The following CLASP1 variants were observed in gnomAD, a reference collection of about 807,000 sequenced individuals.
The protein encoded by CLASP1 is cytoplasmic linker associated protein 1.
CLASP1 carries 38 observed loss-of-function variants against 192.3 expected under a neutral mutation model. That is an observed-to-expected ratio of 0.20 (90% CI 0.15 to 0.26). The LOEUF (loss-of-function observed/expected upper bound fraction) is 0.26. Among genes scored for constraint, CLASP1 ranks in the 10% least tolerant of loss-of-function variants. CLASP1 has a pLI of 1.00. For synonymous variants in CLASP1, 691 were observed against 712.8 expected, an observed-to-expected ratio of 0.97 and a Z score of 0.49; for missense variants, 1,433 against 1,932.5, an observed-to-expected ratio of 0.74 and a Z score of 4.85.
rs764411908 is a variant in CLASP1, at chr2:121,367,690, G to C, written c.3784C>G (p.Arg1262Gly). The C allele has an allele frequency of 4.3e-6, 7 of 1,614,008 alleles. No homozygotes were observed. In the South Asian group the frequency reaches 7.7e-5, roughly 18 times the overall value. ...GAGTAGGGGTACGGGTTGTAGTCTC[G>C]CGCCCGCGGCCCCGGGAAGGCGCGC... Residue 1262 changes from arginine to glycine, a missense_variant, in exon 35 of 40, where the codon CGA becomes GGA. Physicochemically the swap from Arg to Gly is moderately radical, Grantham distance 125. Around this residue, in one of 8 missense-constraint regions of CLASP1, gnomAD observed 336 missense variants for 358.0 expected, o/e 0.94. Transcript: ENST00000263710.
rs1214532897 is a variant in CLASP1, at chr2:121,427,442, G to A, written c.2018-12C>T. 1 of 1,612,610 alleles carries A rather than the reference G, an allele frequency of 6.2e-7. No homozygotes were observed. The highest frequency in any genetic ancestry group is 8.5e-7 in the Non-Finnish European group (1 of 1,179,484). On this transcript the variant is annotated splice_polypyrimidine_tract_variant and intron_variant, in intron 20 of 39. Coordinates refer to ENST00000263710, the Ensembl canonical transcript of CLASP1. ...AGCAGATCTGGATCCTTGATTATGA[G>A]AGCAGACCAAAGGACAGGCAAAAAG...
chr2:121,627,781 A>G (rs1449078583), intron 1 of CLASP1, among the ~76,000 whole-genome samples: 1 of 152,226 alleles, frequency 6.6e-6, no homozygotes, highest in Non-Finnish European at 1.5e-5. Context: ...AGGGCTTTAG[A>G]GATTCATTTA....
Position 121,643,217 on chromosome 2 carries a change from T to A in CLASP1, c.-286+6155A>T, listed in dbSNP as rs184882443. Among the ~76,000 whole-genome samples, 3 of 152,362 alleles carry A rather than the reference T, an allele frequency of 2.0e-5. No homozygotes were observed. The East Asian group carries it at 5.8e-4, about 29-fold the overall frequency. On this transcript the variant is annotated intron_variant, in intron 1 of 39. Transcript: ENST00000263710. ...AAACCTTGAATTTACTTTTTTTCTA[T>A]TCTTTTCTTTAAATACTCTAAAAGT...
intron 8 of CLASP1, among the ~76,000 whole-genome samples, chr2:121,480,540 G>A (rs973946872): frequency 1.3e-5 from 2 of 152,156 alleles, no homozygotes; most frequent in African/African-American, 4.8e-5. Context: ...CCTGTCCTGG[G>A]GCAGAGCTGT....
At chr2:121,386,591 G>A (rs758347679) in intron 32 of CLASP1, among the ~76,000 whole-genome samples, 1 of 152,146 alleles carries the variant, frequency 6.6e-6, no homozygotes, top group Non-Finnish European at 1.5e-5. Flanking sequence ...ATATTTGCAC[G>A]GTCCCAACAA....
intron 8 of CLASP1, among the ~76,000 whole-genome samples, chr2:121,491,569 A>T (rs2150151387): frequency 6.6e-6 from 1 of 152,376 alleles, no homozygotes. Context: ...AAAACTTACA[A>T]ATAATTTGCT....
At chr2:121,470,059 G>A (rs897028943) in intron 8 of CLASP1, 99 bp from the exon 9 acceptor site, 6 of 978,654 alleles carry the variant, frequency 6.1e-6, no homozygotes, top group Non-Finnish European at 9.0e-6. Flanking sequence ...ATTAGTCTTC[G>A]AGACTGATTC....
chr2:121,626,605 TAG>T (rs1221754071), intron 1 of CLASP1, among the ~76,000 whole-genome samples: 5 of 152,126 alleles, frequency 3.3e-5, no homozygotes, highest in Admixed American at 1.3e-4. Context: ...TGTTTTGTTT[TAG>T]AGAGATGGGG....
Position 121,517,797 on chromosome 2 carries a change from G to A in CLASP1, c.547-2035C>T, listed in dbSNP as rs2094343402. On this transcript the variant is annotated intron_variant, in intron 6 of 39. Transcript: ENST00000263710. ...GATTACTCAAGCTCAGGAGTTGGAG[G>A]CTGCAGTGAGCTATAATCCTACCAC... Among the ~76,000 whole-genome samples the A allele has an allele frequency of 2.0e-5, 3 of 148,714 alleles. No homozygotes were observed. In the South Asian group the frequency reaches 6.4e-4, roughly 32 times the overall value.
intron 38 of CLASP1, among the ~76,000 whole-genome samples, chr2:121,347,652 G>A (rs543563466): frequency 2.6e-4 from 39 of 152,268 alleles, no homozygotes; most frequent in Non-Finnish European, 3.2e-4. Context: ...CCTGATGTCC[G>A]TGTCCCTTTG....
chr2:121,439,219 TTTTC>T (rs1417738031), intron 19 of CLASP1, among the ~76,000 whole-genome samples: 13 of 152,030 alleles, frequency 8.6e-5, no homozygotes, highest in Non-Finnish European at 1.2e-4. Context: ...ATTCTTCTTT[TTTTC>T]TTTATTAGTC....
intron 3 of CLASP1, among the ~76,000 whole-genome samples, chr2:121,529,870 A>G (rs971200013): frequency 1.3e-5 from 2 of 152,244 alleles, no homozygotes; most frequent in African/African-American, 2.4e-5. Flanking sequence ...GGTTGGCACT[A>G]AAGAGTGACA....
chr2:121,572,931 C>A (rs1448874169), intron 2 of CLASP1, among the ~76,000 whole-genome samples: 1 of 152,128 alleles, frequency 6.6e-6, no homozygotes, highest in Non-Finnish European at 1.5e-5. Context: ...CAGAGCTGAA[C>A]TAAAATTACT....
chr2:121,466,122 G>T (rs992174759), intron 9 of CLASP1, among the ~76,000 whole-genome samples: 4 of 152,140 alleles, frequency 2.6e-5, no homozygotes, highest in South Asian at 4.1e-4. Flanking sequence ...CAAGAAAAAA[G>T]ATTAGAAAGA....
At chr2:121,595,308 G>A (rs929972951) in intron 2 of CLASP1, among the ~76,000 whole-genome samples, 3 of 152,178 alleles carry the variant, frequency 2.0e-5, no homozygotes, top group Non-Finnish European at 2.9e-5. Context: ...TTATCATACA[G>A]CATCTATGTT....
At chr2:121,343,676 G>A (rs1032384996) in intron 39 of CLASP1, among the ~76,000 whole-genome samples, 1 of 152,158 alleles carries the variant, frequency 6.6e-6, no homozygotes, top group African/African-American at 2.4e-5. Context: ...AAGGAAATAG[G>A]AAATTATTGT....
intron 14 of CLASP1, among the ~76,000 whole-genome samples, chr2:121,453,403 T>C (rs1209776061): frequency 6.6e-6 from 1 of 152,120 alleles, no homozygotes; most frequent in Non-Finnish European, 1.5e-5. Context: ...AGACAAACAG[T>C]TACACTGCCA....
At chr2:121,361,726 T>A (rs2066446312) in intron 37 of CLASP1, among the ~76,000 whole-genome samples, 2 of 152,214 alleles carry the variant, frequency 1.3e-5, no homozygotes, top group South Asian at 4.1e-4. Flanking sequence ...CCTCCTCACC[T>A]GGGAATCACT....
chr2:121,642,925 T>C (rs1332584343), intron 1 of CLASP1, among the ~76,000 whole-genome samples: 1 of 152,234 alleles, frequency 6.6e-6, no homozygotes, highest in Non-Finnish European at 1.5e-5. Context: ...TAATAGCTCA[T>C]GTTGAAATGG....
Sources: gnomAD v4.1 joint callset for allele counts (sites outside exome capture counted in the v4.1 genomes callset) on GRCh38, gnomAD v4.1.1 for gene constraint, gnomAD v4.1.1 regional missense constraint, MANE v1.5 for transcripts, NCBI Gene and HGNC (gene_info 2026-07-23, HGNC 2026-07-21) for gene names.